The following ZNF646 variants were observed in gnomAD, a reference collection of about 807,000 sequenced individuals.
The protein encoded by ZNF646 is zinc finger protein 646.
A neutral mutation model predicts 115.4 loss-of-function variants in ZNF646; 49 were observed. That is an observed-to-expected ratio of 0.42 (90% CI 0.34 to 0.54). ZNF646 has a LOEUF of 0.54. Ranked by LOEUF, ZNF646 falls within the 20% of genes least tolerant of loss-of-function variation. The probability of loss-of-function intolerance (pLI) is 0.04; values close to 1 mark genes in which losing one functional copy is unlikely to be tolerated. For synonymous variants in ZNF646, 933 were observed against 939.0 expected (o/e 0.99, Z 0.12); for missense variants, 2,269 against 2,457.9 (o/e 0.92, Z 1.62).
rs2057124738 is a variant in ZNF646, at chr16:31,079,419, TG to T, written c.3098del (p.Gly1033GlufsTer36). 1 of 1,613,818 alleles carries T rather than the reference TG, an allele frequency of 6.2e-7. No individual in the cohort carries two copies. Among genetic ancestry groups the T allele is most frequent in the Non-Finnish European group, 8.5e-7 (1 of 1,180,002 alleles). ...TCTCAAGAGGGAGCAGGCACCCCCTTGGGAGACAGCCTCTGCATCCAGGGTG... is the reference window on the plus strand; with the variant it reads ...TCTCAAGAGGGAGCAGGCACCCCCTTGGAGACAGCCTCTGCATCCAGGGTG... ...AKSQEGAGTP[L>X]GDSLCIQGGE... On this transcript the variant is annotated frameshift_variant, in exon 2 of 3. Coordinates refer to ENST00000300850, the MANE Select transcript of ZNF646 (RefSeq NM_014699.4). LOFTEE classifies it high-confidence loss of function. This position sits in a 1 kb window ranked among gnomAD's most constrained non-coding sequence, Gnocchi z 5.5.
intron 1 of ZNF646, among the ~76,000 whole-genome samples, chr16:31,075,293 C>A (rs2057062811): frequency 6.6e-6 from 1 of 152,084 alleles, no homozygotes; most frequent in Non-Finnish European, 1.5e-5. Context: ...CTAAGAGAGT[C>A]TTTTGGGGTT....
In ZNF646 at chr16:31,083,992, C is replaced by A; in HGVS notation, c.*900C>A. On this transcript the variant is annotated 3_prime_UTR_variant, in exon 3 of 3. Coordinates refer to ENST00000300850, the MANE Select transcript of ZNF646 (RefSeq NM_014699.4). Reference sequence around the variant, plus strand: ...GATGACAAAGAACCAGAATCTGAATCAAATGGGTCTGCCTGTTGCTCCACC... The same window carrying A: ...GATGACAAAGAACCAGAATCTGAATAAAATGGGTCTGCCTGTTGCTCCACC... 2.0e-6 allele frequency: 3 copies of A among 1,498,234 alleles called. No homozygotes were observed. Among genetic ancestry groups the A allele is most frequent in the Non-Finnish European group, 2.7e-6 (3 of 1,119,052 alleles). 92.8% of individuals were successfully genotyped at this position (1,498,234 alleles called of 1,614,324 possible).
At position 31,083,098 on chromosome 16, in the gene ZNF646, A is replaced by C; in HGVS notation, c.*6A>C. 3 of 1,601,240 alleles carry C rather than the reference A, an allele frequency of 1.9e-6. No individual in the cohort carries two copies. Among genetic ancestry groups the C allele is most frequent in the Non-Finnish European group, 2.6e-6 (3 of 1,175,244 alleles). On this transcript the variant is annotated 3_prime_UTR_variant, in exon 3 of 3. Transcript: ENST00000300850. ...ACCTCAGCTTCTCCCTCTGAACTTC[A>C]AGTCTCCAAAGATCAGAATCTGGGG...
rs200321370 is a variant in ZNF646, at chr16:31,080,821, C to T, written c.4497C>T (p.His1499=). 8.1e-6 allele frequency: 13 copies of T among 1,613,978 alleles called. No homozygotes were observed. Among genetic ancestry groups the T allele is most frequent in the African/African-American group, 4.0e-5 (3 of 74,912 alleles). The change falls in exon 2 of 3, where the codon CAC becomes CAT. Residue 1499 remains histidine, a synonymous_variant. Coordinates refer to ENST00000300850, the MANE Select transcript of ZNF646 (RefSeq NM_014699.4). ...ACAGTGTCCACAGGAGTCCTTGCCA[C>T]GCTGGTGACTGCCAGCTCAATGGAC... ...PEDSVHRSPC[H]AGDCQLNGPT...
In ZNF646 at chr16:31,077,929, A is replaced by G. The variant is rs1000822655; in HGVS notation, c.1605A>G (p.Val535=). Residue 535 remains valine (V), a synonymous_variant, in exon 2 of 3, where the codon GTA becomes GTG. Coordinates refer to ENST00000300850, the MANE Select transcript of ZNF646 (RefSeq NM_014699.4). ...GAEGAPSHLK[V]ELPPDPVEAE... ...AGGGTGCCCCCAGCCACCTCAAGGT[A>G]GAACTCCCGCCTGACCCAGTGGAGG... 9 of 1,613,744 alleles carry G rather than the reference A, an allele frequency of 5.6e-6. No individual in the cohort carries two copies. In the East Asian group the frequency reaches 8.9e-5, roughly 16 times the overall value.
chr16:31,082,780 C>G, intron 2 of ZNF646, 191 bp from the exon 3 acceptor site: 1 of 656,502 alleles, frequency 1.5e-6, no homozygotes, highest in Non-Finnish European at 2.5e-6. Context: ...GAAGATTTCT[C>G]ATGACCTCAA....
chr16:31,078,608 G>T lies in ZNF646; in HGVS notation c.2284G>T (p.Glu762Ter). Residue 762 changes from glutamate to a stop codon, truncating the protein, a stop_gained, in exon 2 of 3, where the codon GAA becomes TAA. Coordinates refer to ENST00000300850, the MANE Select transcript of ZNF646 (RefSeq NM_014699.4). LOFTEE classifies it high-confidence loss of function. The stretch of plus-strand genomic sequence containing the variant: ...GAGCGGAGGCACTGGGGAAGGACTG[G>T]AAAGGAAGGATGCCAGTTTACTTGA... ...KESGGTGEGL[E>*]RKDASLLDNL... 6.2e-7 allele frequency: 1 copy of T among 1,613,972 alleles called. No individual in the cohort carries two copies. Among genetic ancestry groups the T allele is most frequent in the East Asian group, 2.2e-5 (1 of 44,886 alleles).
chr16:31,077,934 TCCC>T lies in ZNF646; in HGVS notation c.1611_1613del (p.Pro539del). 1 of 1,613,780 alleles carries T rather than the reference TCCC, an allele frequency of 6.2e-7. No individual in the cohort carries two copies. The highest frequency in any genetic ancestry group is 8.5e-7 in the Non-Finnish European group (1 of 1,180,008). ...GCCCCCAGCCACCTCAAGGTAGAAC[TCCC>T]GCCTGACCCAGTGGAGGCAGAGGCA... On this transcript the variant is annotated inframe_deletion, in exon 2 of 3. Transcript: ENST00000300850.
Position 31,077,590 on chromosome 16 carries a change from T to C in ZNF646, c.1266T>C (p.Ala422=), listed in dbSNP as rs372133474. 19 of 1,613,374 alleles carry C rather than the reference T, an allele frequency of 1.2e-5. No individual in the cohort carries two copies. The highest frequency in any genetic ancestry group is 3.3e-5 in the Admixed American group (2 of 59,958). Residue 422 remains alanine (A), a synonymous_variant, in exon 2 of 3, where the codon GCT becomes GCC. Coordinates refer to ENST00000300850, the MANE Select transcript of ZNF646 (RefSeq NM_014699.4). ...CTGCCCTCAAAAACCATGTGCGGGCTCATCACAGGCCCAGGCAAGGAGTTG... is the reference window on the plus strand; with the variant it reads ...CTGCCCTCAAAAACCATGTGCGGGCCCATCACAGGCCCAGGCAAGGAGTTG... The part of the protein sequence containing the change: ...NAAALKNHVR[A]HHRPRQGVGE...
At position 31,076,608 on chromosome 16, in the gene ZNF646, G is replaced by A. The variant is rs929304428; in HGVS notation, c.284G>A (p.Arg95Lys). 3 of 1,613,020 alleles carry A rather than the reference G, an allele frequency of 1.9e-6. No individual in the cohort carries two copies. The highest frequency in any genetic ancestry group is 2.2e-5 in the South Asian group (2 of 91,076). The change falls in exon 2 of 3, where the codon AGG becomes AAG. Residue 95 changes from arginine (R) to lysine (K), a missense_variant. Transcript: ENST00000300850. ...CCCATGGCTCTCAAGAGCCATATGA[G>A]GACACATGCTCCTGAGGGCCGCCGC... ...SNPMALKSHM[R>K]THAPEGRRRH...
Position 31,080,361 on chromosome 16 carries a change from G to A in ZNF646, c.4037G>A (p.Arg1346Lys), listed in dbSNP as rs751340280. 1 of 1,613,536 alleles carries A rather than the reference G, an allele frequency of 6.2e-7. No individual in the cohort carries two copies. The highest frequency in any genetic ancestry group is 1.3e-5 in the African/African-American group (1 of 75,068). The change falls in exon 2 of 3, where the codon AGG becomes AAG. Residue 1346 changes from arginine to lysine, a missense_variant. By Grantham distance (26) the Arg-to-Lys change is conservative. Coordinates refer to ENST00000300850, the MANE Select transcript of ZNF646 (RefSeq NM_014699.4). ...SNRMALKDHQ[R>K]LHSENRRRRA... ...CGCATGGCCCTGAAGGACCACCAGAGGCTGCACTCAGAGAATCGGCGGCGA... is the reference window on the plus strand; with the variant it reads ...CGCATGGCCCTGAAGGACCACCAGAAGCTGCACTCAGAGAATCGGCGGCGA...
At chr16:31,075,259 A>C (rs1362569679) in intron 1 of ZNF646, among the ~76,000 whole-genome samples, 1 of 152,182 alleles carries the variant, frequency 6.6e-6, no homozygotes, top group Non-Finnish European at 1.5e-5. Flanking sequence ...GTTTGAGTTC[A>C]AGGGAAGTAG....
Position 31,076,437 on chromosome 16 carries a change from G to C in ZNF646, c.113G>C (p.Ser38Thr). 2 of 1,614,050 alleles carry C rather than the reference G, an allele frequency of 1.2e-6. No individual in the cohort carries two copies. The highest frequency in any genetic ancestry group is 1.7e-6 in the Non-Finnish European group (2 of 1,180,006). Residue 38 changes from serine (S) to threonine (T), a missense_variant, in exon 2 of 3, where the codon AGT becomes ACT. Ser to Thr is a moderately conservative substitution (Grantham distance 58, BLOSUM62 1). Around this residue, in one of 5 missense-constraint regions of ZNF646, gnomAD observed 334 missense variants for 323.5 expected, o/e 1.03. Coordinates refer to ENST00000300850, the MANE Select transcript of ZNF646 (RefSeq NM_014699.4). ...ELLHPSPNQD[S>T]EEADSIPRPY... is the part of the protein sequence containing the mutation. ...CTCCATCCATCTCCCAACCAGGACAGTGAGGAGGCTGACAGCATCCCTCGG... is the reference window on the plus strand; with the variant it reads ...CTCCATCCATCTCCCAACCAGGACACTGAGGAGGCTGACAGCATCCCTCGG...
chr16:31,076,382 C>T lies in ZNF646; in HGVS notation c.58C>T (p.Leu20Phe), dbSNP rs762724319. 1.4e-5 allele frequency: 22 copies of T among 1,613,970 alleles called. 2 individuals are homozygous for T. In the South Asian group the frequency reaches 2.4e-4, roughly 18 times the overall value. The change falls in exon 2 of 3, where the codon CTC (leucine) becomes TTC (phenylalanine). Residue 20 changes from leucine to phenylalanine, a missense_variant. Leu to Phe is a conservative substitution (Grantham distance 22). Coordinates refer to ENST00000300850, the MANE Select transcript of ZNF646 (RefSeq NM_014699.4). Reference sequence around the variant, plus strand: ...CGACTGTCAGCGCCACTTTCCCAGCCTCCCAGAGCTCTCTCGGCACCGAGA... The same window carrying T: ...CGACTGTCAGCGCCACTTTCCCAGCTTCCCAGAGCTCTCTCGGCACCGAGA... Reference protein sequence around the residue: ...CSDCQRHFPSLPELSRHRELL... With the variant: ...CSDCQRHFPSFPELSRHRELL...
In ZNF646 at chr16:31,083,202, C is replaced by G. The variant is rs1439968843; in HGVS notation, c.*110C>G. ...CGGGCATCCCCATATCTTCTCCTCT[C>G]CCCTTGTGAAGAGGACCCAGATCTG... On this transcript the variant is annotated 3_prime_UTR_variant, in exon 3 of 3. Coordinates refer to ENST00000300850, the MANE Select transcript of ZNF646 (RefSeq NM_014699.4). 1 of 1,443,376 alleles carries G rather than the reference C, an allele frequency of 6.9e-7. No individual in the cohort carries two copies. Among genetic ancestry groups the G allele is most frequent in the African/African-American group, 1.4e-5 (1 of 69,232 alleles). The allele number at this position is 1,443,376 out of a possible 1,614,324, so 89.4% of individuals were successfully genotyped here.
Position 31,084,076 on chromosome 16 carries a change from C to G in ZNF646, c.*984C>G. 1 of 1,545,570 alleles carries G rather than the reference C, an allele frequency of 6.5e-7. No homozygotes were observed. The highest frequency in any genetic ancestry group is 8.7e-7 in the Non-Finnish European group (1 of 1,144,788). ...ACGTTCTCACTGGAGAGAGAAGGGTCCTGGAGAGGCAGGGTTTGGCAGGAG... is the reference window on the plus strand; with the variant it reads ...ACGTTCTCACTGGAGAGAGAAGGGTGCTGGAGAGGCAGGGTTTGGCAGGAG... On this transcript the variant is annotated 3_prime_UTR_variant, in exon 3 of 3. Transcript: ENST00000300850.
At chr16:31,075,494 C>T (rs1012863055) in intron 1 of ZNF646, among the ~76,000 whole-genome samples, 2 of 152,128 alleles carry the variant, frequency 1.3e-5, no homozygotes, top group Non-Finnish European at 2.9e-5. Context: ...GACAGGGTTT[C>T]ACCATGTTGT....
In ZNF646 at chr16:31,076,236, C is replaced by T. The variant is rs992999759; in HGVS notation, c.-79-10C>T. 2.0e-6 allele frequency: 3 copies of T among 1,492,310 alleles called. No homozygotes were observed. In the African/African-American group the frequency reaches 4.2e-5, roughly 21 times the overall value. The allele number at this position is 1,492,310 out of a possible 1,614,324, so 92.4% of individuals were successfully genotyped here. The stretch of plus-strand genomic sequence containing the variant: ...AGGCCTTCCTTTTGACCACTGCCCC[C>T]TCTTCCTAGGCCTTGGCCCCTCCAC... On this transcript the variant is annotated splice_polypyrimidine_tract_variant and intron_variant, in intron 1 of 2. Transcript: ENST00000300850.
In ZNF646 at chr16:31,079,001, C is replaced by G. The variant is rs200551763; in HGVS notation, c.2677C>G (p.Arg893Gly). 2.5e-6 allele frequency: 4 copies of G among 1,598,148 alleles called. No homozygotes were observed. Among genetic ancestry groups the G allele is most frequent in the Non-Finnish European group, 3.4e-6 (4 of 1,170,666 alleles). Reference protein sequence around the residue: ...CCLCGMIFPGRAGYRLHRRQA... With the variant: ...CCLCGMIFPGGAGYRLHRRQA... ...CCTCTGTGGCATGATCTTCCCTGGG[C>G]GGGCTGGCTACAGGCTTCACCGGCG... The change falls in exon 2 of 3, where the codon CGG (arginine) becomes GGG (glycine). Residue 893 changes from arginine to glycine, a missense_variant. Coordinates refer to ENST00000300850, the MANE Select transcript of ZNF646 (RefSeq NM_014699.4). This position sits in a 1 kb window ranked among gnomAD's most constrained non-coding sequence, Gnocchi z 5.5.
Sources: gnomAD v4.1 joint callset for allele counts (sites outside exome capture counted in the v4.1 genomes callset) on GRCh38, gnomAD v4.1.1 for gene constraint, gnomAD v4.1.1 regional missense constraint, Gnocchi (gnomAD v3.1) non-coding constraint, MANE v1.5 for transcripts, NCBI Gene and HGNC (gene_info 2026-07-23, HGNC 2026-07-21) for gene names.